The following FBLN2 variants were observed in gnomAD, a reference collection of about 807,000 sequenced individuals.
FBLN2 encodes fibulin-2.
A neutral mutation model predicts 123.7 loss-of-function variants in FBLN2; 81 were observed. That is an observed-to-expected ratio of 0.65 (90% CI 0.55 to 0.79). FBLN2 has a LOEUF of 0.79. Ranked by LOEUF, FBLN2 falls within the 30% of genes least tolerant of loss-of-function variation. FBLN2 has a pLI of 0.00. For missense variants in FBLN2, 1,603 were observed against 1,681.3 expected, an observed-to-expected ratio of 0.95 and a Z score of 0.81; for synonymous variants, 699 against 701.4, an observed-to-expected ratio of 1.00 and a Z score of 0.05.
chr3:13,586,324 A>G lies in FBLN2; in HGVS notation c.1306+14663A>G, dbSNP rs567757531. On this transcript the variant is annotated intron_variant, in intron 2 of 17. Transcript: ENST00000404922. Reference sequence around the variant, plus strand: ...TTCAGCCTCCTGAGTAGCTGGGATTACAGGTGCCCGCCACCACGCCAGGCT... The same window carrying G: ...TTCAGCCTCCTGAGTAGCTGGGATTGCAGGTGCCCGCCACCACGCCAGGCT... Among the ~76,000 whole-genome samples, 3 of 151,316 alleles carry G rather than the reference A, an allele frequency of 2.0e-5. No individual in the cohort carries two copies. The South Asian group carries it at 6.3e-4, about 32-fold the overall frequency.
At chr3:13,593,619 C>T (rs946386345) in intron 2 of FBLN2, among the ~76,000 whole-genome samples, 20 of 147,862 alleles carry the variant, frequency 1.4e-4, no homozygotes, top group African/African-American at 2.3e-4. Context: ...GAGGCTGAGG[C>T]GGGAGAATTG....
intron 2 of FBLN2, among the ~76,000 whole-genome samples, chr3:13,585,598 T>G (rs1176835050): frequency 6.6e-6 from 1 of 152,210 alleles, no homozygotes; most frequent in Non-Finnish European, 1.5e-5. Context: ...GATGCTGGTA[T>G]AAGCAAACCT....
At position 13,614,079 on chromosome 3, in the gene FBLN2, C is replaced by G; in HGVS notation, c.1644C>G (p.Val548=). The G allele has an allele frequency of 6.2e-7, 1 of 1,613,840 alleles. No homozygotes were observed. The highest frequency in any genetic ancestry group is 8.5e-7 in the Non-Finnish European group (1 of 1,179,888). The change falls in exon 5 of 18, where the codon GTC becomes GTG. Residue 548 remains valine (V), a synonymous_variant. Coordinates refer to ENST00000404922, the MANE Select transcript of FBLN2 (RefSeq NM_001004019.2). ...ACCTGGGCTATCCCTGCAATCATGT[C>G]ATGCTCTCCTGCTGTGAGGGTGAAG... ...NPNLGYPCNH[V]MLSCCEGEEP...
chr3:13,598,234 G>T (rs746080016), intron 2 of FBLN2, among the ~76,000 whole-genome samples: 5 of 152,242 alleles, frequency 3.3e-5, no homozygotes, highest in Admixed American at 6.5e-5. Flanking sequence ...GAGACAGGAG[G>T]CTGTGTTTAC....
intron 16 of FBLN2, among the ~76,000 whole-genome samples, chr3:13,634,392 C>A (rs928329600): frequency 1.6e-4 from 24 of 152,264 alleles, no homozygotes; most frequent in Non-Finnish European, 3.5e-4. Context: ...CCGCCTCCCG[C>A]GAGCTTGGTG....
rs1284820616 is a variant in FBLN2 at position 13,557,400 on chromosome 3, GA to G, written c.-42+8195del. 4.6e-5 allele frequency among the ~76,000 whole-genome samples: 7 copies of G among 152,364 alleles called. No individual in the cohort carries two copies. In the East Asian group the frequency reaches 1.2e-3, roughly 25 times the overall value. On this transcript the variant is annotated intron_variant, in intron 1 of 17. Transcript: ENST00000404922. ...AGGATAATTTTGGTTACAGGTGATA[GA>G]AAGTACAATTTCAGCAAAAAAGTCA...
At chr3:13,590,311 A>G (rs113149912) in intron 2 of FBLN2, among the ~76,000 whole-genome samples, 1 of 145,884 alleles carries the variant, frequency 6.9e-6, no homozygotes, top group Non-Finnish European at 1.5e-5. Context: ...GCCTGGCCTA[A>G]CTCTTGCCTA....
At chr3:13,607,957 G>A in intron 2 of FBLN2, 105 bp from the exon 3 acceptor site, 8 of 760,770 alleles carry the variant, frequency 1.1e-5, no homozygotes, top group South Asian at 1.7e-5. Flanking sequence ...CAGCAGGGGT[G>A]GATGAGTTTG....
Position 13,619,767 on chromosome 3 carries a change from G to A in FBLN2, c.2091G>A (p.Gly697=). The change falls in exon 8 of 18, where the codon GGG becomes GGA. Residue 697 remains glycine (G), a synonymous_variant. Coordinates refer to ENST00000404922, the MANE Select transcript of FBLN2 (RefSeq NM_001004019.2). ...GCAAGCAGGTGTGCAGCACTGTTGG[G>A]GGCTCAGCCATATGCTCCTGTTTTC... The part of the protein sequence containing the change: ...GPCKQVCSTV[G]GSAICSCFPG... 6.2e-7 allele frequency: 1 copy of A among 1,613,264 alleles called. No homozygotes were observed. Among genetic ancestry groups the A allele is most frequent in the Non-Finnish European group, 8.5e-7 (1 of 1,179,536 alleles).
chr3:13,629,697 C>A, intron 13 of FBLN2, 123 bp from the exon 14 acceptor site: 1 of 1,341,152 alleles, frequency 7.5e-7, no homozygotes, highest in Non-Finnish European at 1.0e-6. Flanking sequence ...CTGGCCTCTC[C>A]CTGTCTTTCC....
At chr3:13,614,928 CCATCCATCCAT>C (rs1243503183) in intron 5 of FBLN2, among the ~76,000 whole-genome samples, 11 of 151,318 alleles carry the variant, frequency 7.3e-5, no homozygotes, top group South Asian at 6.3e-4. Flanking sequence ...ATCCATCCAT[CCATCCATCCAT>C]CCACCCACCC....
At chr3:13,585,510 T>G (rs1225418799) in intron 2 of FBLN2, among the ~76,000 whole-genome samples, 1 of 152,188 alleles carries the variant, frequency 6.6e-6, no homozygotes, top group Non-Finnish European at 1.5e-5. Context: ...GATGGTCCCA[T>G]ACGATTATGG....
chr3:13,552,594 G>A (rs1027612122), intron 1 of FBLN2, among the ~76,000 whole-genome samples: 2 of 152,258 alleles, frequency 1.3e-5, no homozygotes, highest in African/African-American at 2.4e-5. Context: ...AGACAGAGGC[G>A]CTGCTCCTGT....
Position 13,598,964 on chromosome 3 carries a change from G to A in FBLN2, c.1307-9098G>A, listed in dbSNP as rs143234975. ...GGATACTCGCCAGTTGGCCAAGGTAGAAGAAGGGCATCCTAGCATGGAACA... is the reference window on the plus strand; with the variant it reads ...GGATACTCGCCAGTTGGCCAAGGTAAAAGAAGGGCATCCTAGCATGGAACA... On this transcript the variant is annotated intron_variant, in intron 2 of 17. Coordinates refer to ENST00000404922, the MANE Select transcript of FBLN2 (RefSeq NM_001004019.2). Among the ~76,000 whole-genome samples, 175 of 152,334 alleles carry A rather than the reference G, an allele frequency of 1.1e-3. 2 individuals carry two copies. Among genetic ancestry groups the A allele is most frequent in the African/African-American group, 3.8e-3 (160 of 41,574 alleles).
Position 13,602,934 on chromosome 3 carries a change from C to T in FBLN2, c.1307-5128C>T, listed in dbSNP as rs371619202. On this transcript the variant is annotated intron_variant, in intron 2 of 17. Transcript: ENST00000404922. ...TCTTTCTTTTTTTTTTTCCCCAAGA[C>T]GAGTCTTGCTCTGTCGCCCAGGCTG... Among the ~76,000 whole-genome samples, 104 of 147,120 alleles carry T rather than the reference C, an allele frequency of 7.1e-4. 1 individual carries two copies. The highest frequency in any genetic ancestry group is 2.5e-3 in the African/African-American group (100 of 39,566).
chr3:13,599,856 A>C (rs1364578463), intron 2 of FBLN2, among the ~76,000 whole-genome samples: 1 of 149,186 alleles, frequency 6.7e-6, no homozygotes, highest in African/African-American at 2.5e-5. Flanking sequence ...TTTCTTGGCC[A>C]GCTGTGGGCA....
At chr3:13,561,667 A>G (rs574192203) in intron 1 of FBLN2, among the ~76,000 whole-genome samples, 70 of 152,256 alleles carry the variant, frequency 4.6e-4, no homozygotes, top group Admixed American at 1.6e-3. Context: ...TTGCCAAAGG[A>G]GCATGCGGTC....
At chr3:13,607,819 T>G (rs1705257818) in intron 2 of FBLN2, among the ~76,000 whole-genome samples, 1 of 152,108 alleles carries the variant, frequency 6.6e-6, no homozygotes, top group Non-Finnish European at 1.5e-5. Context: ...GAGTGGGGGC[T>G]GAGCTCTGGC....
intron 11 of FBLN2, among the ~76,000 whole-genome samples, 196 bp downstream of exon 11, chr3:13,628,165 C>A (rs570706604): frequency 2.0e-4 from 31 of 152,332 alleles, no homozygotes; most frequent in African/African-American, 7.0e-4. Flanking sequence ...AGTGTAGCTG[C>A]TCCTATTACC....
Sources: allele counts gnomAD v4.1 joint callset (sites outside exome capture counted in the v4.1 genomes callset), GRCh38; gene constraint gnomAD v4.1.1; transcripts MANE v1.5; gene names NCBI Gene and HGNC (gene_info 2026-07-23, HGNC 2026-07-21).